TENM4: variants seen among roughly 807,000 people sequenced by gnomAD.
The protein encoded by TENM4 is teneurin-4.
TENM4 carries 82 observed loss-of-function variants against 243.3 expected under a neutral mutation model. The ratio of observed to expected loss-of-function variants is 0.34; its 90% CI spans 0.28 to 0.40. TENM4 has a LOEUF of 0.40. TENM4 is among the 10% of genes least tolerant of loss of function. The pLI is 1.00. For missense variants in TENM4, 3,138 were observed against 3,673.3 expected (o/e 0.85, Z 3.77); for synonymous variants, 1,412 against 1,456.3 (o/e 0.97, Z 0.69).
At chr11:79,117,857 C>T (rs1335644703) in intron 4 of TENM4, among the ~76,000 whole-genome samples, 2 of 152,200 alleles carry the variant, frequency 1.3e-5, no homozygotes, top group Admixed American at 1.3e-4. Context: ...GGAATAACTC[C>T]TAATTAGCCA....
chr11:78,656,841 C>T lies in TENM4; in HGVS notation c.*1217G>A. 2.5e-6 allele frequency: 1 copy of T among 395,240 alleles called. No homozygotes were observed. The highest frequency in any genetic ancestry group is 4.5e-6 in the Non-Finnish European group (1 of 224,436). The allele number at this position is 395,240 out of a possible 1,614,324, so 24.5% of individuals were successfully genotyped here. On this transcript the variant is annotated 3_prime_UTR_variant, in exon 34 of 34. Transcript: ENST00000278550. ...GCCTGCCCCAGTCCAGCTCTGCGAT[C>T]AGCTGGTACATGGAGGCAGATGGGA...
intron 4 of TENM4, among the ~76,000 whole-genome samples, chr11:79,117,277 C>T (rs7930419): frequency 0.2 from 30,483 of 152,066 alleles, 3,537 homozygotes; most frequent in African/African-American, 0.32. Flanking sequence ...AATGGCCGTG[C>T]TAGGAGGGAA....
At chr11:78,773,130 T>A (rs1024736167) in intron 17 of TENM4, among the ~76,000 whole-genome samples, 1 of 152,352 alleles carries the variant, frequency 6.6e-6, no homozygotes, top group East Asian at 1.9e-4. Flanking sequence ...CAATTAAGCC[T>A]GGTTTGTATT....
At chr11:79,035,390 C>G (rs1859350814) in intron 6 of TENM4, among the ~76,000 whole-genome samples, 1 of 152,040 alleles carries the variant, frequency 6.6e-6, no homozygotes, top group Admixed American at 6.6e-5. Context: ...CCATTTGCAC[C>G]CTACAGCTCT....
intron 4 of TENM4, chr11:79,096,139 GTC>G (rs932899438): frequency 2.0e-5 from 3 of 152,190 alleles, no homozygotes; most frequent in Admixed American, 1.3e-4. Context: ...ACATCTCTGG[GTC>G]TCTGTTTCCT....
At chr11:78,962,766 G>T (rs921024509) in intron 6 of TENM4, among the ~76,000 whole-genome samples, 1 of 152,220 alleles carries the variant, frequency 6.6e-6, no homozygotes, top group African/African-American at 2.4e-5. Context: ...GCCCCTATAA[G>T]CTGGCCATTC....
chr11:78,669,551 C>T lies in TENM4; in HGVS notation c.6794G>A (p.Gly2265Asp). 1 of 1,613,978 alleles carries T rather than the reference C, an allele frequency of 6.2e-7. No individual in the cohort carries two copies. The highest frequency in any genetic ancestry group is 8.5e-7 in the Non-Finnish European group (1 of 1,179,886). Residue 2265 changes from glycine (G) to aspartate (D), a missense_variant, in exon 32 of 34, where the codon GGC becomes GAC. Gly to Asp is a moderately conservative substitution (Grantham distance 94). Around this residue, in one of 2 missense-constraint regions of TENM4, gnomAD observed 2,467 missense variants for 3,059.1 expected, o/e 0.81. Transcript: ENST00000278550. The surrounding 1 kb of genome is among the most constrained non-coding windows in gnomAD (Gnocchi z 6.4). ...MDEDGFLRQR[G>D]GDIFEYNSAG... is the part of the protein sequence containing the mutation. The stretch of plus-strand genomic sequence containing the variant: ...TGAGTTGTACTCAAAGATATCACCG[C>T]CCCGCTGCCTCAGGAAGCCATCCTC...
At chr11:78,801,522 G>A (rs964339858) in intron 15 of TENM4, among the ~76,000 whole-genome samples, 2 of 152,152 alleles carry the variant, frequency 1.3e-5, no homozygotes, top group Non-Finnish European at 2.9e-5. Context: ...TATAAAATCT[G>A]ACTTCACTGT....
chr11:79,244,354 A>G (rs1855476981), intron 2 of TENM4, among the ~76,000 whole-genome samples: 1 of 152,044 alleles, frequency 6.6e-6, no homozygotes, highest in Non-Finnish European at 1.5e-5. Flanking sequence ...CTTGTTCTTG[A>G]GAGGGTCTGG....
intron 1 of TENM4, among the ~76,000 whole-genome samples, chr11:79,348,806 C>A (rs935125599): frequency 2.0e-5 from 3 of 152,166 alleles, no homozygotes. Flanking sequence ...GAACAGTGAC[C>A]TTATCTTCTC....
intron 6 of TENM4, among the ~76,000 whole-genome samples, chr11:78,975,617 C>CATATAT (rs751405946): frequency 1.5e-5 from 1 of 64,914 alleles, no homozygotes; most frequent in Non-Finnish European, 3.6e-5. Context: ...CACACACACA[C>CATATAT]ATATATATAT....
intron 4 of TENM4, among the ~76,000 whole-genome samples, chr11:79,122,736 C>T (rs1861768627): frequency 6.6e-6 from 1 of 152,300 alleles, no homozygotes; most frequent in South Asian, 2.1e-4. Context: ...ACCCCTTGTC[C>T]ACTGCCCACA....
intron 15 of TENM4, among the ~76,000 whole-genome samples, chr11:78,795,414 A>G (rs1273358783): frequency 6.6e-6 from 1 of 152,214 alleles, no homozygotes; most frequent in Non-Finnish European, 1.5e-5. Flanking sequence ...GAGGCTTGGA[A>G]TCAGGTAAGA....
chr11:78,719,534 A>C (rs187921685), intron 25 of TENM4, among the ~76,000 whole-genome samples: 8 of 152,304 alleles, frequency 5.3e-5, no homozygotes, highest in African/African-American at 1.2e-4. Flanking sequence ...ACTTTCTTTC[A>C]TCCCAACTTA....
intron 9 of TENM4, among the ~76,000 whole-genome samples, chr11:78,879,420 C>A (rs1859365061): frequency 1.3e-5 from 2 of 150,346 alleles, no homozygotes; most frequent in African/African-American, 4.9e-5. Context: ...GTGCCTCTGC[C>A]CGGCCGCCCC....
At chr11:79,218,843 G>A (rs529855222) in intron 2 of TENM4, among the ~76,000 whole-genome samples, 2 of 152,292 alleles carry the variant, frequency 1.3e-5, no homozygotes, top group Admixed American at 6.5e-5. Flanking sequence ...CTAGCATTCC[G>A]TTGAGGGGAA....
At chr11:79,287,629 T>C (rs936540886) in intron 2 of TENM4, among the ~76,000 whole-genome samples, 1 of 152,144 alleles carries the variant, frequency 6.6e-6, no homozygotes, top group African/African-American at 2.4e-5. Flanking sequence ...TGATGCATTA[T>C]AATGGCCATT....
chr11:78,861,843 T>C (rs1357107397), intron 10 of TENM4, among the ~76,000 whole-genome samples: 1 of 152,222 alleles, frequency 6.6e-6, no homozygotes, highest in African/African-American at 2.4e-5. Context: ...GCCAATGTGC[T>C]GACTGAAGGG....
intron 1 of TENM4, among the ~76,000 whole-genome samples, chr11:79,375,755 T>G (rs1274683579): frequency 6.6e-6 from 1 of 152,034 alleles, no homozygotes; most frequent in East Asian, 1.9e-4. Flanking sequence ...AGAAGTGACC[T>G]TTAAGAGGAG....
Sources: allele counts gnomAD v4.1 joint callset (sites outside exome capture counted in the v4.1 genomes callset), GRCh38; gene constraint gnomAD v4.1.1; regional missense constraint gnomAD v4.1.1; non-coding constraint Gnocchi (gnomAD v3.1); transcripts MANE v1.5; gene names NCBI Gene and HGNC (gene_info 2026-07-23, HGNC 2026-07-21).